The following ACSL3 variants were observed in gnomAD, a reference collection of about 807,000 sequenced individuals.
ACSL3 encodes fatty acid CoA ligase Acsl3.
Under a neutral mutation model 84.7 loss-of-function variants are expected in ACSL3, and 34 were observed. That is an observed-to-expected ratio of 0.40 (90% CI 0.31 to 0.53). The LOEUF (loss-of-function observed/expected upper bound fraction) is 0.53. ACSL3 is among the 20% of genes least tolerant of loss of function. ACSL3 has a pLI of 0.48. For synonymous variants in ACSL3, 315 were observed against 299.4 expected (o/e 1.05, Z -0.54); for missense variants, 680 against 873.1 (o/e 0.78, Z 2.79).
Position 222,875,092 on chromosome 2 carries a change from CTAATGTTAAGGA to C in ACSL3, c.-206-12733_-206-12722del, listed in dbSNP as rs564300610. Among the ~76,000 whole-genome samples the C allele has an allele frequency of 4.7e-3, 710 of 152,132 alleles. 4 individuals are homozygous for C. Among genetic ancestry groups the C allele is most frequent in the Non-Finnish European group, 7.8e-3 (528 of 68,010 alleles). ...TTTTTTTTGCGTTGTGTATAACCTG[CTAATGTTAAGGA>C]TAATATATACAAAGTGATCAGAACA... is the stretch of plus-strand genomic sequence containing the variant. On this transcript the variant is annotated intron_variant, in intron 1 of 16. Transcript: ENST00000357430.
rs1369908193 is a variant in ACSL3, at chr2:222,897,886, C to T, written c.-147-2788C>T. 1.6e-3 allele frequency among the ~76,000 whole-genome samples: 7 copies of T among 4,244 alleles called. 3 individuals are homozygous for T. In the African/African-American group the frequency reaches 0.026, roughly 16 times the overall value. 2.8% of individuals were successfully genotyped at this position (4,244 alleles called of 152,430 possible). ...AGATCGCAGCAGTACAGTCCAGCTT[C>T]GGCTCGGCATCAGAGGGAGACCGTG... On this transcript the variant is annotated intron_variant, in intron 2 of 16. Coordinates refer to ENST00000357430, the MANE Select transcript of ACSL3 (RefSeq NM_004457.5).
At chr2:222,884,735 G>A (rs1422468863) in intron 1 of ACSL3, among the ~76,000 whole-genome samples, 1 of 152,170 alleles carries the variant, frequency 6.6e-6, no homozygotes, top group Non-Finnish European at 1.5e-5. Flanking sequence ...AGGGATTAGG[G>A]CCTGATAACC....
intron 16 of ACSL3, among the ~76,000 whole-genome samples, chr2:222,938,449 T>G (rs975878556): frequency 1.3e-5 from 2 of 152,156 alleles, no homozygotes; most frequent in Non-Finnish European, 2.9e-5. Context: ...GGTTGACAAT[T>G]TTTTTTCTTT....
chr2:222,903,481 T>C (rs1304950291), intron 3 of ACSL3, among the ~76,000 whole-genome samples: 1 of 152,224 alleles, frequency 6.6e-6, no homozygotes, highest in Non-Finnish European at 1.5e-5. Flanking sequence ...GGAAAGTGCA[T>C]TGTGAAACAC....
intron 2 of ACSL3, among the ~76,000 whole-genome samples, chr2:222,898,176 G>C (rs1473834908): frequency 6.6e-6 from 1 of 152,006 alleles, no homozygotes; most frequent in Non-Finnish European, 1.5e-5. Context: ...TGTGTTGCTT[G>C]ACTTTTATTT....
intron 8 of ACSL3, 61 bp downstream of exon 8, chr2:222,921,491 T>C: frequency 6.9e-7 from 1 of 1,443,900 alleles, no homozygotes; most frequent in Non-Finnish European, 9.4e-7. Context: ...AATGTTAGCA[T>C]TTGTGTCATT....
chr2:222,866,539 G>T (rs1185258428), intron 1 of ACSL3, among the ~76,000 whole-genome samples: 1 of 152,194 alleles, frequency 6.6e-6, no homozygotes, highest in Non-Finnish European at 1.5e-5. Flanking sequence ...TGCTAAATGT[G>T]TGCTGGATTT....
rs189327767 is a variant in ACSL3, at chr2:222,865,312, A to G, written c.-207+4054A>G. ...AGAATTGGATGATTCAGTAGTTTCA[A>G]CTGATCTGCTAATTTTTGTTTAGAA... On this transcript the variant is annotated intron_variant, in intron 1 of 16. Transcript: ENST00000357430. 3.5e-3 allele frequency among the ~76,000 whole-genome samples: 538 copies of G among 152,298 alleles called. 4 individuals are homozygous for G. Among genetic ancestry groups the G allele is most frequent in the African/African-American group, 0.012 (517 of 41,564 alleles).
chr2:222,865,656 A>G (rs1695117305), intron 1 of ACSL3, among the ~76,000 whole-genome samples: 1 of 152,246 alleles, frequency 6.6e-6, no homozygotes, highest in Admixed American at 6.5e-5. Context: ...AGTGCAGAGC[A>G]GGCACAGAGT....
intron 16 of ACSL3, among the ~76,000 whole-genome samples, chr2:222,939,605 G>A (rs1430346561): frequency 6.6e-6 from 1 of 152,170 alleles, no homozygotes; most frequent in African/African-American, 2.4e-5. Flanking sequence ...TTGGATGTGT[G>A]TTCCACTCCT....
Position 222,942,532 on chromosome 2 carries a change from A to G in ACSL3, c.*878A>G, listed in dbSNP as rs539320659. On this transcript the variant is annotated 3_prime_UTR_variant, in exon 17 of 17. Transcript: ENST00000357430. ...AAGAGTATATAAAGTTATTCTTTGAATATTTCGTTGACTATATGTACATTG... is the reference window on the plus strand; with the variant it reads ...AAGAGTATATAAAGTTATTCTTTGAGTATTTCGTTGACTATATGTACATTG... 1 of 195,418 alleles carries G rather than the reference A, an allele frequency of 5.1e-6. No individual in the cohort carries two copies. The highest frequency in any genetic ancestry group is 2.3e-5 in the African/African-American group (1 of 43,420). 12.1% of individuals were successfully genotyped at this position (195,418 alleles called of 1,614,324 possible). A position where few individuals can be genotyped will look rare whatever the true frequency, so the allele number is the denominator to read the frequency against.
rs1559303606 is a variant in ACSL3, at chr2:222,933,162, G to T, written c.1733-4G>T. On this transcript the variant is annotated splice_region_variant and splice_polypyrimidine_tract_variant and intron_variant, in intron 14 of 16. Transcript: ENST00000357430. ...TCCCCTCTCCACCTTTCTTTGTTTT[G>T]CAGATCGTAAAAAGGACCTTGTAAA... 2.5e-6 allele frequency: 4 copies of T among 1,593,256 alleles called. No homozygotes were observed. The highest frequency in any genetic ancestry group is 3.4e-6 in the Non-Finnish European group (4 of 1,162,678).
intron 1 of ACSL3, among the ~76,000 whole-genome samples, chr2:222,876,921 C>A (rs1455091370): frequency 6.6e-6 from 1 of 152,046 alleles, no homozygotes; most frequent in Non-Finnish European, 1.5e-5. Flanking sequence ...GGGAGATAAA[C>A]GATGGAGGTA....
In ACSL3 at chr2:222,934,630, A is replaced by G. The variant is rs1697126006; in HGVS notation, c.1948A>G (p.Asn650Asp). 6.2e-7 allele frequency: 1 copy of G among 1,609,986 alleles called. No individual in the cohort carries two copies. Among genetic ancestry groups the G allele is most frequent in the Non-Finnish European group, 8.5e-7 (1 of 1,178,628 alleles). ...GLKGTWEELC[N>D]SCEMENEVLK... ...TAAAGGGACTTGGGAGGAGCTGTGT[A>G]ACAGTTGTGAAATGGAAAATGAGGT... The change falls in exon 16 of 17, where the codon AAC becomes GAC. Residue 650 changes from asparagine to aspartate, a missense_variant. Physicochemically the swap from Asn to Asp is conservative, Grantham distance 23. Around this residue, in one of 2 missense-constraint regions of ACSL3, gnomAD observed 347 missense variants for 525.7 expected, o/e 0.66. Transcript: ENST00000357430.
At chr2:222,884,707 G>T (rs1465621216) in intron 1 of ACSL3, among the ~76,000 whole-genome samples, 1 of 152,170 alleles carries the variant, frequency 6.6e-6, no homozygotes, top group African/African-American at 2.4e-5. Flanking sequence ...TCCAAATAAG[G>T]TAACATTTGT....
At chr2:222,937,821 C>T (rs939958572) in intron 16 of ACSL3, among the ~76,000 whole-genome samples, 1 of 152,012 alleles carries the variant, frequency 6.6e-6, no homozygotes, top group Non-Finnish European at 1.5e-5. Context: ...ACTTTTCATA[C>T]CTATTTCCAT....
chr2:222,896,831 A>T (rs1245813467), intron 2 of ACSL3, among the ~76,000 whole-genome samples: 1 of 8,522 alleles, frequency 1.2e-4, no homozygotes, highest in African/African-American at 1.1e-3. Context: ...GGGGGGGCTG[A>T]CCCCCCCACC....
intron 12 of ACSL3, 121 bp downstream of exon 12, chr2:222,927,310 G>A: frequency 1.0e-6 from 1 of 959,566 alleles, no homozygotes; most frequent in Non-Finnish European, 1.5e-6. Context: ...GAATAATGGT[G>A]GATTCCAAGT....
At chr2:222,934,891 A>G (rs963229701) in intron 16 of ACSL3, among the ~76,000 whole-genome samples, 1 of 152,218 alleles carries the variant, frequency 6.6e-6, no homozygotes, top group African/African-American at 2.4e-5. Context: ...ATGTACATGT[A>G]TCTTGAATGT....
Sources: allele counts gnomAD v4.1 joint callset (sites outside exome capture counted in the v4.1 genomes callset), GRCh38; gene constraint gnomAD v4.1.1; regional missense constraint gnomAD v4.1.1; transcripts MANE v1.5; gene names NCBI Gene and HGNC (gene_info 2026-07-23, HGNC 2026-07-21).